The following GRIK1 variants were observed in gnomAD, a reference collection of about 807,000 sequenced individuals.
GRIK1 encodes the protein glutamate ionotropic receptor kainate type subunit 1.
GRIK1 carries 69 observed loss-of-function variants against 105.7 expected under a neutral mutation model. The ratio of observed to expected loss-of-function variants is 0.65; its 90% CI spans 0.54 to 0.80. GRIK1 has a LOEUF of 0.80. Among genes scored for constraint, GRIK1 ranks in the 30% least tolerant of loss-of-function variants. The pLI is 0.00. For missense variants in GRIK1, 1,109 were observed against 1,167.3 expected, an observed-to-expected ratio of 0.95 and a Z score of 0.73; for synonymous variants, 438 against 431.3, an observed-to-expected ratio of 1.02 and a Z score of -0.19.
chr21:29,757,149 T>TA (rs905908154), intron 1 of GRIK1, among the ~76,000 whole-genome samples: 5 of 150,522 alleles, frequency 3.3e-5, no homozygotes, highest in African/African-American at 7.4e-5. Context: ...TTAAAAAATT[T>TA]AAAAAAAAAG....
At chr21:29,929,790 A>G (rs1569227210) in intron 1 of GRIK1, among the ~76,000 whole-genome samples, 1 of 152,340 alleles carries the variant, frequency 6.6e-6, no homozygotes, top group Non-Finnish European at 1.5e-5. Context: ...TAAAATTATC[A>G]TATGCTCCAG....
intron 1 of GRIK1, among the ~76,000 whole-genome samples, chr21:29,786,508 A>G (rs464115): frequency 0.15 from 23,564 of 152,036 alleles, 1,803 homozygotes; most frequent in Non-Finnish European, 0.16. Context: ...TACTGTAGTT[A>G]TATTTTGCCT....
intron 7 of GRIK1, among the ~76,000 whole-genome samples, chr21:29,635,014 A>C (rs2062366730): frequency 6.6e-6 from 1 of 152,204 alleles, no homozygotes; most frequent in Admixed American, 6.5e-5. Context: ...GCCTAGTTGG[A>C]GGCTATTTTA....
chr21:29,633,137 G>A (rs1235825124), intron 7 of GRIK1, among the ~76,000 whole-genome samples: 1 of 152,196 alleles, frequency 6.6e-6, no homozygotes, highest in Non-Finnish European at 1.5e-5. Flanking sequence ...TGGAAACACA[G>A]CAAGAAAGCC....
At chr21:29,581,854 C>A (rs1028985651) in intron 12 of GRIK1, among the ~76,000 whole-genome samples, 2 of 152,114 alleles carry the variant, frequency 1.3e-5, no homozygotes, top group East Asian at 1.9e-4. Flanking sequence ...ACTAGATGAA[C>A]TGTAAAGAAA....
At chr21:29,804,383 T>C (rs1372337082) in intron 1 of GRIK1, among the ~76,000 whole-genome samples, 1 of 152,094 alleles carries the variant, frequency 6.6e-6, no homozygotes, top group Non-Finnish European at 1.5e-5. Flanking sequence ...CTAAGAAAGA[T>C]TTGTGTGCTT....
chr21:29,597,779 C>T lies in GRIK1; in HGVS notation c.1206+1051G>A, dbSNP rs2061443958. 1.7e-5 allele frequency: 4 copies of T among 229,758 alleles called. No homozygotes were observed. The South Asian group carries it at 2.5e-4, about 14-fold the overall frequency. 14.2% of individuals were successfully genotyped at this position (229,758 alleles called of 1,614,324 possible). Reference sequence around the variant, plus strand: ...AATATTTCACACTGGTGGTCACCTTCTAATACATTCAGCCTAAATGATCTT... The same window carrying T: ...AATATTTCACACTGGTGGTCACCTTTTAATACATTCAGCCTAAATGATCTT... On this transcript the variant is annotated intron_variant, in intron 8 of 17. Transcript: ENST00000327783.
At chr21:29,561,576 T>C in intron 15 of GRIK1, 48 bp downstream of exon 15, 1 of 1,250,460 alleles carries the variant, frequency 8.0e-7, no homozygotes, top group Non-Finnish European at 1.2e-6. Flanking sequence ...TCTATACTGG[T>C]AACTGACATT....
chr21:29,555,020 AAACT>A (rs761541967), intron 16 of GRIK1, 28 bp downstream of exon 16: 1 of 1,568,130 alleles, frequency 6.4e-7, no homozygotes. Context: ...TGCAAACTAT[AAACT>A]AACCAGTCCT....
intron 1 of GRIK1, among the ~76,000 whole-genome samples, chr21:29,872,990 G>A (rs1282236015): frequency 3.3e-5 from 5 of 152,170 alleles, no homozygotes. Flanking sequence ...AGACGAAAGT[G>A]GACAGCTTCT....
chr21:29,884,666 C>T (rs1236680441), intron 1 of GRIK1, among the ~76,000 whole-genome samples: 1 of 152,020 alleles, frequency 6.6e-6, no homozygotes, highest in Non-Finnish European at 1.5e-5. Flanking sequence ...TAACTGAAAA[C>T]ATAGATTATC....
At chr21:29,859,084 C>T (rs1027610940) in intron 1 of GRIK1, among the ~76,000 whole-genome samples, 1 of 151,368 alleles carries the variant, frequency 6.6e-6, no homozygotes, top group Non-Finnish European at 1.5e-5. Context: ...AAGCTGGAAA[C>T]CATCATTCTC....
chr21:29,541,610 A>C (rs1379839973), intron 16 of GRIK1, among the ~76,000 whole-genome samples: 1 of 110,900 alleles, frequency 9.0e-6, no homozygotes, highest in Non-Finnish European at 1.6e-5. Context: ...GGAGAGATAC[A>C]ATGAAAAGGT....
intron 1 of GRIK1, among the ~76,000 whole-genome samples, chr21:29,918,702 A>G (rs1014154404): frequency 2.0e-5 from 3 of 152,174 alleles, no homozygotes; most frequent in African/African-American, 7.2e-5. Flanking sequence ...ATAAATGTTC[A>G]GAAACAATGC....
At chr21:29,573,025 G>A (rs1203979103) in intron 14 of GRIK1, among the ~76,000 whole-genome samples, 2 of 152,050 alleles carry the variant, frequency 1.3e-5, no homozygotes, top group African/African-American at 4.8e-5. Context: ...CACCAGCCTC[G>A]GCCTCCCAAA....
At chr21:29,870,801 A>T (rs73900260) in intron 1 of GRIK1, among the ~76,000 whole-genome samples, 1 of 152,064 alleles carries the variant, frequency 6.6e-6, no homozygotes, top group African/African-American at 2.4e-5. Context: ...GATCATATTC[A>T]TCTATTCTTT....
chr21:29,934,638 T>C (rs2071686733), intron 1 of GRIK1, among the ~76,000 whole-genome samples: 1 of 152,178 alleles, frequency 6.6e-6, no homozygotes, highest in Non-Finnish European at 1.5e-5. Flanking sequence ...CATACATAAG[T>C]CCATATACAA....
At chr21:29,580,075 ATGTATATG>A (rs1205183329) in intron 13 of GRIK1, among the ~76,000 whole-genome samples, 2 of 146,930 alleles carry the variant, frequency 1.4e-5, no homozygotes, top group African/African-American at 5.0e-5. Context: ...GTGTATATAT[ATGTATATG>A]TGTGTGTATA....
At chr21:29,768,862 C>T (rs1384536997) in intron 1 of GRIK1, among the ~76,000 whole-genome samples, 2 of 152,190 alleles carry the variant, frequency 1.3e-5, no homozygotes, top group Non-Finnish European at 2.9e-5. Flanking sequence ...CTATTCTTCA[C>T]ACTCAAGTCA....
Sources: allele counts gnomAD v4.1 joint callset (sites outside exome capture counted in the v4.1 genomes callset), GRCh38; gene constraint gnomAD v4.1.1; transcripts MANE v1.5; gene names NCBI Gene and HGNC (gene_info 2026-07-23, HGNC 2026-07-21).